The following ATRAID variants were observed in gnomAD, a reference collection of about 807,000 sequenced individuals.
ATRAID encodes the protein all-trans retinoic acid-induced differentiation factor.
In ATRAID, 26 loss-of-function variants were observed where a neutral mutation model predicts 28.8. The ratio of observed to expected loss-of-function variants is 0.90; its 90% CI spans 0.66 to 1.25. ATRAID has a LOEUF of 1.25. ATRAID is among the 50% of genes most tolerant of loss of function. The pLI, the probability that ATRAID is intolerant of heterozygous loss-of-function variation, is 0.00. For missense variants in ATRAID, 308 were observed against 285.9 expected, an observed-to-expected ratio of 1.08 and a Z score of -0.56; for synonymous variants, 131 against 108.5, an observed-to-expected ratio of 1.21 and a Z score of -1.29.
intron 5 of ATRAID, 169 bp from the exon 6 acceptor site, chr2:27,216,354 A>C (rs1674831904): frequency 1.6e-6 from 1 of 626,088 alleles, no homozygotes; most frequent in African/African-American, 1.8e-5. Context: ...ATGATAGCTT[A>C]GCTTGGGCTC....
chr2:27,216,091 C>T (rs1054154454), intron 5 of ATRAID, among the ~76,000 whole-genome samples: 3 of 152,060 alleles, frequency 2.0e-5, no homozygotes, highest in Non-Finnish European at 2.9e-5. Context: ...TGCTGTTTTG[C>T]GGGCAGGGGA....
intron 6 of ATRAID, 101 bp from the exon 7 acceptor site, chr2:27,216,743 C>T (rs1187774328): frequency 7.1e-7 from 1 of 1,417,330 alleles, no homozygotes; most frequent in Non-Finnish European, 9.9e-7. Context: ...TATAGAATTG[C>T]CCTAGACAAA....
Position 27,213,289 on chromosome 2 carries a change from C to A in ATRAID, c.212C>A (p.Thr71Asn). ...HARCCLNQKG[T>N]ILGLDLQNCS... ...CGTTGCTGCCTGAATCAGAAGGGCA[C>A]CATCTTGGGGTGAGGGGAAGACATC... Residue 71 changes from threonine to asparagine, a missense_variant, in exon 2 of 7, where the codon ACC becomes AAC. Coordinates refer to ENST00000380171, the MANE Select transcript of ATRAID (RefSeq NM_001170795.4). 6.2e-7 allele frequency: 1 copy of A among 1,613,970 alleles called. No homozygotes were observed. Among genetic ancestry groups the A allele is most frequent in the Non-Finnish European group, 8.5e-7 (1 of 1,179,894 alleles).
intron 1 of ATRAID, chr2:27,212,732 G>C: frequency 2.8e-6 from 3 of 1,077,232 alleles, no homozygotes; most frequent in South Asian, 1.9e-5. Flanking sequence ...TTCTACAGAC[G>C]GGTCCTCTGC....
At chr2:27,212,659 C>G (rs1674632883) in intron 1 of ATRAID, 192 bp downstream of exon 1, 4 of 1,390,748 alleles carry the variant, frequency 2.9e-6, no homozygotes, top group Non-Finnish European at 3.7e-6. Context: ...CCCAGTCCTG[C>G]CGACTTTCAA....
chr2:27,217,133 C>T lies in ATRAID; in HGVS notation c.*185C>T, dbSNP rs969919244. On this transcript the variant is annotated 3_prime_UTR_variant, in exon 7 of 7. Coordinates refer to ENST00000380171, the MANE Select transcript of ATRAID (RefSeq NM_001170795.4). ...TACCAGTTCCCATTGGTGTTGTTGC[C>T]TATAATAAACACTTTTTTCTTTTTT... The T allele has an allele frequency of 1.9e-6, 1 of 539,082 alleles. No homozygotes were observed. 33.4% of individuals were successfully genotyped at this position (539,082 alleles called of 1,614,324 possible). A position where few individuals can be genotyped will look rare whatever the true frequency, so the allele number is the denominator to read the frequency against.
intron 5 of ATRAID, among the ~76,000 whole-genome samples, 177 bp downstream of exon 5, chr2:27,215,930 TAA>T (rs1299236150): frequency 6.6e-6 from 1 of 152,216 alleles, no homozygotes; most frequent in Non-Finnish European, 1.5e-5. Flanking sequence ...TGTGTCCGTG[TAA>T]AGAGACCACC....
chr2:27,216,662 T>C (rs201214418), intron 6 of ATRAID, 42 bp downstream of exon 6: 1 of 1,553,824 alleles, frequency 6.4e-7, no homozygotes, highest in Non-Finnish European at 8.9e-7. Flanking sequence ...AAGGAATGCA[T>C]AGAGCAAGTC....
At chr2:27,212,763 G>A in intron 1 of ATRAID, 2 of 808,492 alleles carry the variant, frequency 2.5e-6, no homozygotes, top group South Asian at 2.2e-5. Context: ...ATCTCTCTAC[G>A]CACGAACGCC....
chr2:27,215,777 T>G (rs760874546), intron 5 of ATRAID, 24 bp downstream of exon 5: 3 of 1,609,388 alleles, frequency 1.9e-6, no homozygotes, highest in Non-Finnish European at 2.5e-6. Flanking sequence ...CCTCCAAACT[T>G]CTGGGAATTG....
chr2:27,216,735 T>C (rs1674855861), intron 6 of ATRAID, 109 bp from the exon 7 acceptor site: 1 of 1,426,560 alleles, frequency 7.0e-7, no homozygotes, highest in East Asian at 2.3e-5. Flanking sequence ...TGGAAAACTA[T>C]AGAATTGCCC....
At chr2:27,212,699 A>G in intron 1 of ATRAID, 2 of 1,302,556 alleles carry the variant, frequency 1.5e-6, no homozygotes, top group African/African-American at 3.1e-5. Flanking sequence ...TCGCCCCTTA[A>G]TTTTAGAATA....
Position 27,216,587 on chromosome 2 carries a change from T to C in ATRAID, c.552T>C (p.Ala184=). The part of the protein sequence containing the change: ...DGPGLLQCVC[A]DGFHGYKCMR... ...CAGGTCTTTTGCAGTGTGTTTGTGC[T>C]GATGGTTTCCATGGATACAAGTGTA... is the stretch of plus-strand genomic sequence containing the variant. The change falls in exon 6 of 7, where the codon GCT becomes GCC. Residue 184 remains alanine (A), a synonymous_variant. Coordinates refer to ENST00000380171, the MANE Select transcript of ATRAID (RefSeq NM_001170795.4). 1 of 1,614,186 alleles carries C rather than the reference T, an allele frequency of 6.2e-7. No individual in the cohort carries two copies. The highest frequency in any genetic ancestry group is 8.5e-7 in the Non-Finnish European group (1 of 1,180,006).
At chr2:27,212,835 C>G (rs954100633) in intron 1 of ATRAID, 20 of 485,970 alleles carry the variant, frequency 4.1e-5, no homozygotes, top group Non-Finnish European at 6.5e-5. Context: ...TACGTACCTG[C>G]GGTCGTTTTA....
rs1449316880 is a variant in ATRAID at position 27,213,123 on chromosome 2, G to T, written c.100-54G>T. On this transcript the variant is annotated intron_variant, in intron 1 of 6. Coordinates refer to ENST00000380171, the MANE Select transcript of ATRAID (RefSeq NM_001170795.4). Reference sequence around the variant, plus strand: ...GGCAGTTAATTCTTGATCGCCGTTTGTTCTTTTCTTGGCTTTTCTTTCTGG... The same window carrying T: ...GGCAGTTAATTCTTGATCGCCGTTTTTTCTTTTCTTGGCTTTTCTTTCTGG... The T allele has an allele frequency of 2.5e-6, 4 of 1,590,796 alleles. No individual in the cohort carries two copies. The East Asian group carries it at 9.0e-5, about 36-fold the overall frequency.
chr2:27,212,057 G>A lies in ATRAID; in HGVS notation c.-312G>A. On this transcript the variant is annotated 5_prime_UTR_variant, in exon 1 of 7. Coordinates refer to ENST00000380171, the MANE Select transcript of ATRAID (RefSeq NM_001170795.4). ...GAGGGGCCCGAGTTTCTGCGAAGCC[G>A]CGACCTCGGCGTCCGGACGCGGGGA... is the stretch of plus-strand genomic sequence containing the variant. The A allele has an allele frequency of 8.2e-6, 9 of 1,095,298 alleles. No individual in the cohort carries two copies. The highest frequency in any genetic ancestry group is 1.0e-5 in the Non-Finnish European group (8 of 792,572). 67.8% of individuals were successfully genotyped at this position (1,095,298 alleles called of 1,614,324 possible). A position where few individuals can be genotyped will look rare whatever the true frequency, so the allele number is the denominator to read the frequency against.
chr2:27,215,290 C>A (rs752567401), intron 2 of ATRAID, 31 bp from the exon 3 acceptor site: 6 of 1,605,534 alleles, frequency 3.7e-6, no homozygotes, highest in Admixed American at 3.3e-5. Flanking sequence ...AAGAGGAACA[C>A]ACAGTTATAT....
intron 2 of ATRAID, among the ~76,000 whole-genome samples, chr2:27,214,962 TAAA>T (rs1674765599): frequency 6.6e-6 from 1 of 152,154 alleles, no homozygotes; most frequent in African/African-American, 2.4e-5. Context: ...ATTTTTAGGT[TAAA>T]TTAATTTTCT....
chr2:27,212,213 A>C lies in ATRAID; in HGVS notation c.-156A>C. 2 of 1,557,664 alleles carry C rather than the reference A, an allele frequency of 1.3e-6. No homozygotes were observed. Among genetic ancestry groups the C allele is most frequent in the Non-Finnish European group, 1.7e-6 (2 of 1,151,204 alleles). On this transcript the variant is annotated 5_prime_UTR_variant, in exon 1 of 7. Coordinates refer to ENST00000380171, the MANE Select transcript of ATRAID (RefSeq NM_001170795.4). ...AAGAGGGCTAGGGCGCATGAAGACCAGCGCAGAGCTCCACGAGCAGGAAAA... is the reference window on the plus strand; with the variant it reads ...AAGAGGGCTAGGGCGCATGAAGACCCGCGCAGAGCTCCACGAGCAGGAAAA...
Sources: allele counts gnomAD v4.1 joint callset (sites outside exome capture counted in the v4.1 genomes callset), GRCh38; gene constraint gnomAD v4.1.1; transcripts MANE v1.5; gene names NCBI Gene and HGNC (gene_info 2026-07-23, HGNC 2026-07-21).